Variants in TMEM87B observed in about 807,000 individuals in gnomAD.
TMEM87B encodes transmembrane protein 87B.
TMEM87B carries 83 observed loss-of-function variants against 80.3 expected under a neutral mutation model. The ratio of observed to expected loss-of-function variants is 1.03; its 90% CI spans 0.87 to 1.24. The LOEUF is 1.24. TMEM87B is among the 50% of genes most tolerant of loss of function. TMEM87B has a pLI of 0.00. For missense variants in TMEM87B, 625 were observed against 674.4 expected (o/e 0.93, Z 0.81); for synonymous variants, 219 against 230.5 (o/e 0.95, Z 0.45).
At chr2:112,077,164 T>C (rs756888305) in intron 5 of TMEM87B, 28 bp from the exon 6 acceptor site, 36 of 1,326,052 alleles carry the variant, frequency 2.7e-5, no homozygotes, top group Non-Finnish European at 3.0e-5. Context: ...TTAAAAATAA[T>C]GAAGAATTTT....
At chr2:112,089,071 A>G (rs367693975) in intron 9 of TMEM87B, among the ~76,000 whole-genome samples, 1 of 152,180 alleles carries the variant, frequency 6.6e-6, no homozygotes, top group Non-Finnish European at 1.5e-5. Context: ...CAAAAATGTT[A>G]TTTTAACTCT....
At chr2:112,069,431 T>C (rs1417498470) in intron 4 of TMEM87B, among the ~76,000 whole-genome samples, 2 of 152,222 alleles carry the variant, frequency 1.3e-5, no homozygotes, top group Non-Finnish European at 2.9e-5. Flanking sequence ...TTTGGTTTTC[T>C]GTTCCTGTGT....
At chr2:112,084,070 A>G (rs180822472) in intron 8 of TMEM87B, among the ~76,000 whole-genome samples, 58 of 152,336 alleles carry the variant, frequency 3.8e-4, no homozygotes, top group African/African-American at 1.2e-3. Context: ...CAAACTCAAC[A>G]TAGGCAATAA....
At chr2:112,058,293 C>T (rs936161962) in intron 1 of TMEM87B, among the ~76,000 whole-genome samples, 16 of 152,180 alleles carry the variant, frequency 1.1e-4, no homozygotes, top group African/African-American at 3.6e-4. Context: ...TGGCCTTGAG[C>T]CTGAGGCCAG....
At chr2:112,057,656 G>C (rs1322858113) in intron 1 of TMEM87B, among the ~76,000 whole-genome samples, 10 of 152,168 alleles carry the variant, frequency 6.6e-5, no homozygotes, top group Non-Finnish European at 1.3e-4. Flanking sequence ...GGTCATTGCT[G>C]TTGCAAAGAT....
At chr2:112,065,179 A>G (rs980209286) in intron 3 of TMEM87B, among the ~76,000 whole-genome samples, 1 of 152,162 alleles carries the variant, frequency 6.6e-6, no homozygotes, top group Non-Finnish European at 1.5e-5. Flanking sequence ...GGATTGAACC[A>G]TGCCATTTTC....
At chr2:112,087,971 C>T (rs529155024) in intron 9 of TMEM87B, among the ~76,000 whole-genome samples, 4 of 152,296 alleles carry the variant, frequency 2.6e-5, no homozygotes, top group African/African-American at 9.6e-5. Flanking sequence ...ACATCACTGG[C>T]TACTCCTCCC....
At chr2:112,056,902 C>G (rs1678088374) in intron 1 of TMEM87B, among the ~76,000 whole-genome samples, 1 of 152,204 alleles carries the variant, frequency 6.6e-6, no homozygotes, top group African/African-American at 2.4e-5. Context: ...CAGTGAACTA[C>G]TCTCATGGCT....
At chr2:112,057,509 C>G (rs577015024) in intron 1 of TMEM87B, among the ~76,000 whole-genome samples, 1 of 152,352 alleles carries the variant, frequency 6.6e-6, no homozygotes, top group Non-Finnish European at 1.5e-5. Context: ...CTGCTGGCCT[C>G]AAGCCATCCT....
intron 3 of TMEM87B, among the ~76,000 whole-genome samples, chr2:112,065,643 CAAAAAAA>C (rs58619427): frequency 9.3e-5 from 7 of 75,352 alleles, no homozygotes; most frequent in Admixed American, 1.5e-4. Flanking sequence ...ACCTTGTCTT[CAAAAAAA>C]AAAAAAAAAA....
intron 15 of TMEM87B, among the ~76,000 whole-genome samples, chr2:112,102,148 TA>T (rs1227127029): frequency 1.3e-5 from 2 of 152,156 alleles, no homozygotes; most frequent in Non-Finnish European, 2.9e-5. Flanking sequence ...TGGGAGTACT[TA>T]AAAGGCCAGT....
chr2:112,099,826 G>A (rs1165885266), intron 14 of TMEM87B, among the ~76,000 whole-genome samples: 1 of 146,352 alleles, frequency 6.8e-6, no homozygotes, highest in African/African-American at 2.5e-5. Flanking sequence ...GCAGTGAACT[G>A]AGATCATGCC....
At chr2:112,087,091 C>T (rs1436276018) in intron 9 of TMEM87B, among the ~76,000 whole-genome samples, 2 of 152,136 alleles carry the variant, frequency 1.3e-5, no homozygotes, top group Non-Finnish European at 2.9e-5. Flanking sequence ...CCCTCCCCAT[C>T]TTATATCCTT....
intron 1 of TMEM87B, 132 bp from the exon 2 acceptor site, chr2:112,059,845 T>A: frequency 8.3e-7 from 1 of 1,203,242 alleles, no homozygotes; most frequent in Non-Finnish European, 1.1e-6. Flanking sequence ...AGTGATGTGA[T>A]CAGATTTACG....
chr2:112,102,476 C>T (rs1284137590), intron 15 of TMEM87B, among the ~76,000 whole-genome samples: 3 of 152,048 alleles, frequency 2.0e-5, no homozygotes, highest in Non-Finnish European at 4.4e-5. Flanking sequence ...GGCAGATCAC[C>T]TGAGGTCAGG....
At chr2:112,085,574 G>A (rs1679117370) in intron 8 of TMEM87B, among the ~76,000 whole-genome samples, 1 of 152,198 alleles carries the variant, frequency 6.6e-6, no homozygotes, top group Non-Finnish European at 1.5e-5. Flanking sequence ...GGATCAAGAT[G>A]TCTTTTTCAC....
intron 8 of TMEM87B, among the ~76,000 whole-genome samples, chr2:112,083,344 C>G (rs552384090): frequency 6.6e-6 from 1 of 152,138 alleles, no homozygotes; most frequent in African/African-American, 2.4e-5. Flanking sequence ...CAGTCTAGAC[C>G]GCTGCTGTTT....
At chr2:112,090,724 C>T (rs1479801529) in intron 10 of TMEM87B, among the ~76,000 whole-genome samples, 1 of 152,160 alleles carries the variant, frequency 6.6e-6, no homozygotes, top group Admixed American at 6.5e-5. Context: ...AGCTACCACT[C>T]ATGGTTGCTT....
intron 2 of TMEM87B, among the ~76,000 whole-genome samples, chr2:112,061,144 G>T (rs927098799): frequency 5.3e-5 from 8 of 152,152 alleles, no homozygotes; most frequent in African/African-American, 1.9e-4. Flanking sequence ...ATTAGGTAGG[G>T]CCTGTCTTTT....
Sources: allele counts gnomAD v4.1 joint callset (sites outside exome capture counted in the v4.1 genomes callset), GRCh38; gene constraint gnomAD v4.1.1; transcripts MANE v1.5; gene names NCBI Gene and HGNC (gene_info 2026-07-23, HGNC 2026-07-21).